The following RBFOX2 variants were observed in gnomAD, a reference collection of about 807,000 sequenced individuals.
RBFOX2 encodes the protein RNA binding protein fox-1 homolog 2.
In RBFOX2, 10 loss-of-function variants were observed where a neutral mutation model predicts 49.1. The observed-to-expected ratio is 0.20, with a 90% CI of 0.13 to 0.35. The LOEUF is 0.35. RBFOX2 is among the 10% of genes least tolerant of loss of function. The pLI, the probability that RBFOX2 is intolerant of heterozygous loss-of-function variation, is 1.00. For synonymous variants in RBFOX2, 183 were observed against 187.4 expected (o/e 0.98, Z 0.19); for missense variants, 323 against 486.9 (o/e 0.66, Z 3.17).
rs2057299461 is a variant in RBFOX2, at chr22:35,978,352, TA to T, written c.187-39456del. Among the ~76,000 whole-genome samples the T allele has an allele frequency of 3.9e-5, 6 of 152,310 alleles. 1 individual carries two copies. In the South Asian group the frequency reaches 1.2e-3, roughly 32 times the overall value. On this transcript the variant is annotated intron_variant, in intron 1 of 13. Transcript: ENST00000438146. Reference sequence around the variant, plus strand: ...AAAGAGATATGGAAATATAGATGTATATGTGGTATATATGTGTTTATGTACA... The same window carrying T: ...AAAGAGATATGGAAATATAGATGTATTGTGGTATATATGTGTTTATGTACA...
At chr22:36,028,468 A>G in exon 1 of RBFOX2, 5 of 1,154,908 alleles carry the variant, frequency 4.3e-6, no homozygotes, top group Non-Finnish European at 3.2e-6. Context: ...GCGACCCGCG[A>G]CAGGCCACCT....
At chr22:35,965,296 T>C (rs1005840347), upstream of RBFOX2, among the ~76,000 whole-genome samples, 2 of 152,200 alleles carry the variant, frequency 1.3e-5, no homozygotes, top group East Asian at 1.9e-4. Context: ...TTGAGAGATA[T>C]GACCAGCTAA....
At chr22:35,947,247 A>G (rs960318942) in intron 1 of RBFOX2, among the ~76,000 whole-genome samples, 56 of 152,176 alleles carry the variant, frequency 3.7e-4, no homozygotes, top group Non-Finnish European at 2.1e-4. Context: ...CAGTGACATC[A>G]TAACTGTCAT....
chr22:35,860,115 A>G (rs1212392574), intron 1 of RBFOX2, among the ~76,000 whole-genome samples: 1 of 152,174 alleles, frequency 6.6e-6, no homozygotes, highest in Non-Finnish European at 1.5e-5. Flanking sequence ...TCCTCCATCA[A>G]GAAGTGGAAT....
At chr22:35,964,110 A>G (rs911466864), upstream of RBFOX2, among the ~76,000 whole-genome samples, 1 of 152,166 alleles carries the variant, frequency 6.6e-6, no homozygotes, top group Non-Finnish European at 1.5e-5. Context: ...CAAGGTGACC[A>G]TGGTTATATA....
At chr22:35,777,694 C>G in intron 4 of RBFOX2, 1 of 258,472 alleles carries the variant, frequency 3.9e-6, no homozygotes, top group Admixed American at 4.9e-5. Flanking sequence ...TTTATTTAGT[C>G]TTTGCACTTT....
chr22:35,826,937 G>C (rs1266971582), intron 1 of RBFOX2, among the ~76,000 whole-genome samples: 4 of 152,102 alleles, frequency 2.6e-5, no homozygotes, highest in Non-Finnish European at 5.9e-5. Flanking sequence ...GGTTGATCAT[G>C]GGTAATTGAA....
chr22:35,946,978 G>C (rs1260499828), intron 1 of RBFOX2, among the ~76,000 whole-genome samples: 1 of 152,156 alleles, frequency 6.6e-6, no homozygotes, highest in Non-Finnish European at 1.5e-5. Flanking sequence ...GATCACCTGA[G>C]GTCAGGAGTT....
upstream of RBFOX2, among the ~76,000 whole-genome samples, chr22:35,941,549 C>T (rs778669581): frequency 6.6e-6 from 1 of 152,110 alleles, no homozygotes; most frequent in Non-Finnish European, 1.5e-5. Context: ...AGGTTCTCAT[C>T]CCTACTAATG....
chr22:35,792,319 AAAAAAAAAAAAAAAAGAAAAGAAAAG>A (rs1947869070), intron 2 of RBFOX2, among the ~76,000 whole-genome samples: 1 of 136,730 alleles, frequency 7.3e-6, no homozygotes, highest in African/African-American at 2.9e-5. Flanking sequence ...CCGTCTCAAA[AAAAAAAAAAAAAAAAGAAAAGAAAAG>A]AAAAGAAAAG....
intron 1 of RBFOX2, among the ~76,000 whole-genome samples, chr22:35,914,837 A>C (rs927933583): frequency 6.6e-6 from 1 of 152,218 alleles, no homozygotes; most frequent in African/African-American, 2.4e-5. Context: ...AATATTTCTG[A>C]ACACTTGACC....
intron 1 of RBFOX2, among the ~76,000 whole-genome samples, chr22:35,854,881 G>T (rs776563268): frequency 3.3e-5 from 5 of 151,884 alleles, no homozygotes; most frequent in Non-Finnish European, 7.4e-5. Flanking sequence ...AAAAAAAGGA[G>T]AATCTTTTAC....
chr22:35,985,898 A>G (rs1001410333), intron 1 of RBFOX2, among the ~76,000 whole-genome samples: 4 of 136,014 alleles, frequency 2.9e-5, no homozygotes, highest in Non-Finnish European at 6.3e-5. Context: ...ATAGATAGAT[A>G]GATGGATAGA....
intron 2 of RBFOX2, among the ~76,000 whole-genome samples, chr22:35,803,224 T>C (rs975928526): frequency 1.3e-5 from 2 of 151,394 alleles, no homozygotes; most frequent in African/African-American, 2.4e-5. Flanking sequence ...GTCACTACAA[T>C]GCATTACTAA....
chr22:35,871,386 C>T (rs1166670176), intron 1 of RBFOX2, among the ~76,000 whole-genome samples: 1 of 152,156 alleles, frequency 6.6e-6, no homozygotes, highest in Admixed American at 6.6e-5. Context: ...TTCAGAGGAG[C>T]TTCAGACTGC....
At chr22:35,831,963 T>C (rs1211085263) in intron 1 of RBFOX2, among the ~76,000 whole-genome samples, 1 of 152,202 alleles carries the variant, frequency 6.6e-6, no homozygotes, top group Non-Finnish European at 1.5e-5. Flanking sequence ...GCATGCTTTA[T>C]AGTGGAGAGA....
intron 2 of RBFOX2, among the ~76,000 whole-genome samples, chr22:35,798,844 A>G (rs1209666770): frequency 6.6e-6 from 1 of 152,214 alleles, no homozygotes; most frequent in Admixed American, 6.5e-5. Flanking sequence ...GAAAGACTCA[A>G]TAACATGCTA....
intron 1 of RBFOX2, chr22:36,000,264 G>GTA (rs1464580586): frequency 1.3e-5 from 2 of 152,146 alleles, no homozygotes; most frequent in Non-Finnish European, 2.9e-5. Context: ...GCCTCCTAAA[G>GTA]TGCTGGAATT....
At chr22:35,981,410 GGT>G (rs1432378307) in intron 1 of RBFOX2, among the ~76,000 whole-genome samples, 1 of 152,168 alleles carries the variant, frequency 6.6e-6, no homozygotes, top group Non-Finnish European at 1.5e-5. Flanking sequence ...TGGGAGGAAA[GGT>G]GGGCAGATCA....
Sources: allele counts gnomAD v4.1 joint callset (sites outside exome capture counted in the v4.1 genomes callset), GRCh38; gene constraint gnomAD v4.1.1; transcripts MANE v1.5; gene names NCBI Gene and HGNC (gene_info 2026-07-23, HGNC 2026-07-21).